Variants in ITPR3 observed in about 807,000 individuals in gnomAD.
The protein encoded by ITPR3 is inositol 1,4,5-trisphosphate-gated calcium channel ITPR3.
A neutral mutation model predicts 293.2 loss-of-function variants in ITPR3; 173 were observed. The ratio of observed to expected loss-of-function variants is 0.59; its 90% CI spans 0.52 to 0.67. ITPR3 has a LOEUF of 0.67. ITPR3 is among the 30% of genes least tolerant of loss of function. The pLI is 0.00. For missense variants in ITPR3, 2,796 were observed against 3,592.1 expected, an observed-to-expected ratio of 0.78 and a Z score of 5.66; for synonymous variants, 1,295 against 1,444.4, an observed-to-expected ratio of 0.90 and a Z score of 2.35.
At chr6:33,653,083 A>T (rs1206682529) in intron 2 of ITPR3, among the ~76,000 whole-genome samples, 12 of 151,664 alleles carry the variant, frequency 7.9e-5, no homozygotes, top group Admixed American at 7.9e-4. Context: ...AATTTTTTTG[A>T]ATTTTAGTAG....
rs563586067 is a variant in ITPR3, at chr6:33,671,581, GTCA to G, written c.2728+278_2728+280del. ...AGTGAGGGAGGAGCGAGACAGCTCT[GTCA>G]TCGTGTGTGTGAGGAGGAGGGAGGC... On this transcript the variant is annotated intron_variant, in intron 21 of 57. Coordinates refer to ENST00000605930, the MANE Select transcript of ITPR3 (RefSeq NM_002224.4). 1.5e-3 allele frequency among the ~76,000 whole-genome samples: 231 copies of G among 152,306 alleles called. 3 individuals carry two copies. Among genetic ancestry groups the G allele is most frequent in the African/African-American group, 5.1e-3 (211 of 41,556 alleles).
chr6:33,659,974 C>T (rs746352534), intron 7 of ITPR3, among the ~76,000 whole-genome samples: 14 of 152,130 alleles, frequency 9.2e-5, no homozygotes, highest in Non-Finnish European at 2.1e-4. Flanking sequence ...TAGGGGTCAC[C>T]GCCTGTCTCC....
rs769702242 is a variant in ITPR3, at chr6:33,684,206, C to T, written c.4937+38C>T. On this transcript the variant is annotated intron_variant, in intron 36 of 57. Coordinates refer to ENST00000605930, the MANE Select transcript of ITPR3 (RefSeq NM_002224.4). This position sits in a 1 kb window ranked among gnomAD's most constrained non-coding sequence, Gnocchi z 4.2. ...CTGGGGCATGGGGGCAGCAGGGGTGCAGCGGCAGGGGACAGAGAAGGGCCC... is the reference window on the plus strand; with the variant it reads ...CTGGGGCATGGGGGCAGCAGGGGTGTAGCGGCAGGGGACAGAGAAGGGCCC... 5.6e-6 allele frequency: 9 copies of T among 1,603,886 alleles called. No individual in the cohort carries two copies. The highest frequency in any genetic ancestry group is 1.3e-5 in the African/African-American group (1 of 74,746).
intron 1 of ITPR3, among the ~76,000 whole-genome samples, chr6:33,627,399 C>T (rs1763572538): frequency 6.6e-6 from 1 of 152,184 alleles, no homozygotes; most frequent in Non-Finnish European, 1.5e-5. Context: ...GCTTTGTACC[C>T]TGTCCTTTTT....
At chr6:33,668,054 G>A in intron 16 of ITPR3, 90 bp downstream of exon 16, 1 of 1,435,444 alleles carries the variant, frequency 7.0e-7, no homozygotes, top group East Asian at 2.4e-5. Flanking sequence ...AACTATTCCT[G>A]CACCTGTTGG....
In ITPR3 at chr6:33,662,547, TC is replaced by T; in HGVS notation, c.733del (p.His245MetfsTer8). On this transcript the variant is annotated frameshift_variant, in exon 8 of 58. Transcript: ENST00000605930. LOFTEE classifies it high-confidence loss of function. Reference protein sequence around the residue: ...VLKGGDVVRLFHAEQEKFLTC... With the variant: ...VLKGGDVVRLXHAEQEKFLTC... ...CTGCAGGGAGACGTGGTGCGGCTGTTCCATGCGGAGCAGGAGAAGTTCCTGA... is the reference window on the plus strand; with the variant it reads ...CTGCAGGGAGACGTGGTGCGGCTGTTCATGCGGAGCAGGAGAAGTTCCTGA... The T allele has an allele frequency of 6.2e-7, 1 of 1,603,564 alleles. No individual in the cohort carries two copies. The highest frequency in any genetic ancestry group is 8.5e-7 in the Non-Finnish European group (1 of 1,176,388).
In ITPR3 at chr6:33,679,158, C is replaced by T. The variant is rs778477544; in HGVS notation, c.3972+319C>T. Among the ~76,000 whole-genome samples, 1 of 152,214 alleles carries T rather than the reference C, an allele frequency of 6.6e-6. No homozygotes were observed. Among genetic ancestry groups the T allele is most frequent in the Non-Finnish European group, 1.5e-5 (1 of 68,042 alleles). On this transcript the variant is annotated intron_variant, in intron 30 of 57. Coordinates refer to ENST00000605930, the MANE Select transcript of ITPR3 (RefSeq NM_002224.4). This position sits in a 1 kb window ranked among gnomAD's most constrained non-coding sequence, Gnocchi z 4.2. ...ATTTAAAATCAGGAAGCACCTGCTACGTGCCACGGACTGTACATGCATGGG... is the reference window on the plus strand; with the variant it reads ...ATTTAAAATCAGGAAGCACCTGCTATGTGCCACGGACTGTACATGCATGGG...
rs1304110338 is a variant in ITPR3, at chr6:33,658,594, G to T, written c.370-76G>T. The T allele has an allele frequency of 1.3e-6, 2 of 1,541,396 alleles. No individual in the cohort carries two copies. The highest frequency in any genetic ancestry group is 8.9e-7 in the Non-Finnish European group (1 of 1,127,910). ...CCAGAATGTGACCAAGGGTCTAGGGGATCCCCCCATATCCCCTCCCTAATG... is the reference window on the plus strand; with the variant it reads ...CCAGAATGTGACCAAGGGTCTAGGGTATCCCCCCATATCCCCTCCCTAATG... On this transcript the variant is annotated intron_variant, in intron 4 of 57. Coordinates refer to ENST00000605930, the MANE Select transcript of ITPR3 (RefSeq NM_002224.4). The surrounding 1 kb of genome is among the most constrained non-coding windows in gnomAD (Gnocchi z 6.1).
At chr6:33,643,619 T>C (rs1018837679) in intron 2 of ITPR3, among the ~76,000 whole-genome samples, 2 of 152,138 alleles carry the variant, frequency 1.3e-5, no homozygotes, top group African/African-American at 4.8e-5. Flanking sequence ...CTCCTAGCCC[T>C]TTTTCCTTCT....
rs1300972481 is a variant in ITPR3 at position 33,667,278 on chromosome 6, C to T, written c.1701C>T (p.Tyr567=). Residue 567 remains tyrosine, a synonymous_variant, in exon 15 of 58, where the codon TAC becomes TAT. Transcript: ENST00000605930. The surrounding 1 kb of genome is among the most constrained non-coding windows in gnomAD (Gnocchi z 4.4). ...TGTTGCGGCATTCCCAGGAGGACTA[C>T]CGCAAGAACCAGGTGCGCCGCTGCC... ...YRVLRHSQED[Y]RKNQEHIAKQ... is the part of the protein sequence containing the mutation. 2 of 1,612,262 alleles carry T rather than the reference C, an allele frequency of 1.2e-6. No individual in the cohort carries two copies. Among genetic ancestry groups the T allele is most frequent in the Non-Finnish European group, 1.7e-6 (2 of 1,179,714 alleles).
chr6:33,668,558 G>A lies in ITPR3; in HGVS notation c.1930G>A (p.Ala644Thr), dbSNP rs1479669909. 3.1e-6 allele frequency: 5 copies of A among 1,614,050 alleles called. No individual in the cohort carries two copies. Among genetic ancestry groups the A allele is most frequent in the Non-Finnish European group, 4.2e-6 (5 of 1,180,034 alleles). ...LSDLCVSNHI[A>T]IPVTQELICK... is the part of the protein sequence containing the mutation. ...TGACCTGTGTGTGTCCAACCACATC[G>A]CCATCCCCGTCACCCAAGAGCTCAT... Residue 644 changes from alanine to threonine, a missense_variant, in exon 17 of 58, where the codon GCC becomes ACC. Coordinates refer to ENST00000605930, the MANE Select transcript of ITPR3 (RefSeq NM_002224.4).
intron 30 of ITPR3, 28 bp downstream of exon 30, chr6:33,678,867 G>A (rs769167183): frequency 6.3e-7 from 1 of 1,595,730 alleles, no homozygotes; most frequent in Admixed American, 1.7e-5. Flanking sequence ...GGGTGCTCAG[G>A]CATCTTGGGG....
At chr6:33,626,530 C>G (rs1043331680) in intron 1 of ITPR3, among the ~76,000 whole-genome samples, 1 of 152,216 alleles carries the variant, frequency 6.6e-6, no homozygotes, top group African/African-American at 2.4e-5. Context: ...CTAGGTCTAC[C>G]TGCCCCTCAG....
intron 1 of ITPR3, among the ~76,000 whole-genome samples, chr6:33,629,482 C>CTT (rs571746597): frequency 1.4e-5 from 2 of 138,692 alleles, no homozygotes; most frequent in Non-Finnish European, 3.1e-5. Context: ...CCATTGGTTT[C>CTT]TTTTTTTTTT....
chr6:33,631,991 A>T (rs957541893), intron 1 of ITPR3, among the ~76,000 whole-genome samples: 1 of 152,164 alleles, frequency 6.6e-6, no homozygotes, highest in Non-Finnish European at 1.5e-5. Flanking sequence ...GTCCATGATC[A>T]TCTCTATATC....
At position 33,658,948 on chromosome 6, in the gene ITPR3, A is replaced by G; in HGVS notation, c.529-73A>G. The G allele has an allele frequency of 1.2e-6, 2 of 1,600,366 alleles. No homozygotes were observed. The highest frequency in any genetic ancestry group is 8.6e-7 in the Non-Finnish European group (1 of 1,168,656). On this transcript the variant is annotated intron_variant, in intron 5 of 57. Coordinates refer to ENST00000605930, the MANE Select transcript of ITPR3 (RefSeq NM_002224.4). The surrounding 1 kb of genome is among the most constrained non-coding windows in gnomAD (Gnocchi z 6.1). ...TTCTTAGAAGGGCAGACTGAGACCA[A>G]AGGGAGGCCTGGAGGCGTGGTGACA...
At position 33,639,000 on chromosome 6, in the gene ITPR3, G is replaced by A. The variant is rs1763886335; in HGVS notation, c.90-1484G>A. 6.6e-6 allele frequency among the ~76,000 whole-genome samples: 1 copy of A among 152,204 alleles called. No homozygotes were observed. Among genetic ancestry groups the A allele is most frequent in the African/African-American group, 2.4e-5 (1 of 41,444 alleles). Reference sequence around the variant, plus strand: ...GCCTCTGGAGAGATGAGAGCTCCAGGGACCTTGGGATCAACTGGAGGTTTA... The same window carrying A: ...GCCTCTGGAGAGATGAGAGCTCCAGAGACCTTGGGATCAACTGGAGGTTTA... On this transcript the variant is annotated intron_variant, in intron 1 of 57. Coordinates refer to ENST00000605930, the MANE Select transcript of ITPR3 (RefSeq NM_002224.4). The surrounding 1 kb of genome is among the most constrained non-coding windows in gnomAD (Gnocchi z 4.3).
In ITPR3 at chr6:33,692,540, A is replaced by G. The variant is rs2127323235; in HGVS notation, c.7459-188A>G. On this transcript the variant is annotated intron_variant, in intron 54 of 57. Transcript: ENST00000605930. The surrounding 1 kb of genome is among the most constrained non-coding windows in gnomAD (Gnocchi z 4.2). ...ACCCAAACTCAGGGCTTCTGCTTGC[A>G]ATTCTTGCTCTGTGGAGCCAGGTTG... Among the ~76,000 whole-genome samples the G allele has an allele frequency of 1.3e-5, 2 of 151,858 alleles. No homozygotes were observed. Among genetic ancestry groups the G allele is most frequent in the South Asian group, 4.2e-4 (2 of 4,806 alleles).
intron 27 of ITPR3, 67 bp downstream of exon 27, chr6:33,677,156 C>A: frequency 4.2e-6 from 6 of 1,429,694 alleles, no homozygotes; most frequent in South Asian, 3.5e-5. Context: ...TCCCGCTGGC[C>A]CGGCCCCCTG....
Sources: gnomAD v4.1 joint callset for allele counts (sites outside exome capture counted in the v4.1 genomes callset) on GRCh38, gnomAD v4.1.1 for gene constraint, Gnocchi (gnomAD v3.1) non-coding constraint, MANE v1.5 for transcripts, NCBI Gene and HGNC (gene_info 2026-07-23, HGNC 2026-07-21) for gene names.